The following TRHDE variants were observed in gnomAD, a reference collection of about 807,000 sequenced individuals.
TRHDE encodes thyrotropin-releasing hormone-degrading ectoenzyme.
Under a neutral mutation model 125.7 loss-of-function variants are expected in TRHDE, and 72 were observed. The observed-to-expected ratio is 0.57, with a 90% CI of 0.47 to 0.70. TRHDE has a LOEUF of 0.70. Among genes scored for constraint, TRHDE ranks in the 30% least tolerant of loss-of-function variants. The pLI is 0.00. For synonymous variants in TRHDE, 509 were observed against 509.1 expected, an observed-to-expected ratio of 1.00 and a Z score of 0.00; for missense variants, 1,110 against 1,327.1, an observed-to-expected ratio of 0.84 and a Z score of 2.54.
intron 12 of TRHDE, among the ~76,000 whole-genome samples, chr12:72,576,319 T>C (rs1870992403): frequency 6.6e-6 from 1 of 152,156 alleles, no homozygotes; most frequent in Admixed American, 6.6e-5. Context: ...TCTTCTAAGA[T>C]AATCAGGGGA....
At chr12:72,351,306 A>G (rs1243832297) in intron 2 of TRHDE, among the ~76,000 whole-genome samples, 1 of 151,968 alleles carries the variant, frequency 6.6e-6, no homozygotes, top group Non-Finnish European at 1.5e-5. Flanking sequence ...CCATGTTACG[A>G]AAGTTTATAT....
Position 72,162,533 on chromosome 12 carries a change from A to C in TRHDE, n.279+56781A>C, listed in dbSNP as rs965680439. On this transcript the variant is annotated intron_variant and non_coding_transcript_variant, in intron 2 of 4. Coordinates refer to the TRHDE transcript ENST00000548156. Reference sequence around the variant, plus strand: ...GCTTTTTCATTCACAGTAGTGGCAGAATGTTTCTGAGGGCTAGAAGTTGGT... The same window carrying C: ...GCTTTTTCATTCACAGTAGTGGCAGCATGTTTCTGAGGGCTAGAAGTTGGT... Among the ~76,000 whole-genome samples the C allele has an allele frequency of 1.0e-3, 154 of 152,132 alleles. 1 individual carries two copies. Among genetic ancestry groups the C allele is most frequent in the African/African-American group, 3.5e-3 (147 of 41,424 alleles).
chr12:72,217,808 T>A (rs1455994117), intron 2 of TRHDE, among the ~76,000 whole-genome samples: 1 of 152,078 alleles, frequency 6.6e-6, no homozygotes, highest in East Asian at 1.9e-4. Context: ...ACCACCCAAG[T>A]TTTTTACTAT....
In TRHDE at chr12:72,597,674, A is replaced by AAAAAAC. The variant is rs1487439243; in HGVS notation, c.2322-21212_2322-21211insCAAAAA. Among the ~76,000 whole-genome samples, 2 of 140,980 alleles carry AAAAAAC rather than the reference A, an allele frequency of 1.4e-5. 1 individual carries two copies. Among genetic ancestry groups the AAAAAAC allele is most frequent in the African/African-American group, 5.2e-5 (2 of 38,224 alleles). 92.5% of individuals were successfully genotyped at this position (140,980 alleles called of 152,430 possible). Reference sequence around the variant, plus strand: ...CAGAGCAAGACCTTGTCTAAAAAAAAAAAAAAACTAAGAGAGGTATATATA... The same window carrying AAAAAAC: ...CAGAGCAAGACCTTGTCTAAAAAAAAAAAAACAAAAAAACTAAGAGAGGTATATATA... On this transcript the variant is annotated intron_variant, in intron 12 of 18. Transcript: ENST00000261180.
intron 3 of TRHDE, among the ~76,000 whole-genome samples, chr12:72,382,349 G>A (rs906618196): frequency 6.6e-6 from 1 of 151,980 alleles, no homozygotes; most frequent in African/African-American, 2.4e-5. Flanking sequence ...GGGGGGGACA[G>A]TGACTAGAAG....
In TRHDE at chr12:72,499,648, A is replaced by G; in HGVS notation, c.1722+13A>G. 1 of 1,612,066 alleles carries G rather than the reference A, an allele frequency of 6.2e-7. No individual in the cohort carries two copies. Among genetic ancestry groups the G allele is most frequent in the Non-Finnish European group, 8.5e-7 (1 of 1,179,020 alleles). On this transcript the variant is annotated intron_variant, in intron 6 of 18. Transcript: ENST00000261180. The stretch of plus-strand genomic sequence containing the variant: ...CGCATATAAAAAGGTGGGAATAAAG[A>G]ACAAAGTGCCAATTAGATATTTCAT...
chr12:72,270,080 A>G (rs1428811906), upstream of TRHDE, among the ~76,000 whole-genome samples: 1 of 152,200 alleles, frequency 6.6e-6, no homozygotes, highest in Non-Finnish European at 1.5e-5. Context: ...TGAGGATCGC[A>G]GGGCTCCTCT....
intron 7 of TRHDE, among the ~76,000 whole-genome samples, chr12:72,547,860 G>C (rs1023390054): frequency 1.3e-5 from 2 of 151,808 alleles, no homozygotes; most frequent in African/African-American, 4.8e-5. Flanking sequence ...ACCAGAAACT[G>C]TCTCTTGCAC....
intron 2 of TRHDE, among the ~76,000 whole-genome samples, chr12:72,345,150 G>T (rs1269541250): frequency 6.6e-6 from 1 of 152,080 alleles, no homozygotes; most frequent in Non-Finnish European, 1.5e-5. Flanking sequence ...AATACTGGAG[G>T]AATGTTTTCT....
At chr12:72,186,113 T>C (rs981617102) in intron 2 of TRHDE, 3 of 152,408 alleles carry the variant, frequency 2.0e-5, no homozygotes, top group African/African-American at 7.2e-5. Context: ...CCTTCCACAT[T>C]GTGGAAGCTT....
intron 2 of TRHDE, among the ~76,000 whole-genome samples, chr12:72,319,663 C>G (rs1237027492): frequency 2.0e-5 from 3 of 152,098 alleles, no homozygotes; most frequent in African/African-American, 7.2e-5. Context: ...TATTTTGGCT[C>G]TTTGCAGGAT....
At chr12:72,238,350 TATATATATATATAC>T (rs1295550492) in intron 2 of TRHDE, among the ~76,000 whole-genome samples, 3 of 76,258 alleles carry the variant, frequency 3.9e-5, no homozygotes, top group Non-Finnish European at 8.7e-5. Context: ...TATATATATA[TATATATATATATAC>T]ACATACATAT....
intron 3 of TRHDE, among the ~76,000 whole-genome samples, chr12:72,430,739 C>T (rs2135841664): frequency 1.3e-5 from 2 of 151,798 alleles, no homozygotes; most frequent in Middle Eastern, 6.8e-3. Flanking sequence ...ACTTTGGATC[C>T]CTCAAATTAA....
chr12:72,283,710 A>G (rs1025035642), intron 1 of TRHDE, among the ~76,000 whole-genome samples: 1 of 152,136 alleles, frequency 6.6e-6, no homozygotes, highest in African/African-American at 2.4e-5. Context: ...AATTATCCTT[A>G]GCCCAGAGGT....
chr12:72,610,998 T>A (rs1872612829), intron 12 of TRHDE: 1 of 154,174 alleles, frequency 6.5e-6, no homozygotes, highest in Non-Finnish European at 1.5e-5. Context: ...GGAGGAAGGC[T>A]GTAAGGCAAA....
At chr12:72,213,530 G>A (rs1877826923) in intron 2 of TRHDE, among the ~76,000 whole-genome samples, 1 of 152,080 alleles carries the variant, frequency 6.6e-6, no homozygotes, top group African/African-American at 2.4e-5. Flanking sequence ...ACTTGCCCAA[G>A]GTGAAATTAA....
chr12:72,280,668 A>G (rs926245593), intron 1 of TRHDE, among the ~76,000 whole-genome samples: 1 of 152,200 alleles, frequency 6.6e-6, no homozygotes, highest in African/African-American at 2.4e-5. Flanking sequence ...TGAGGGAAAC[A>G]AGAGAAACAC....
At chr12:72,256,826 A>G (rs987187791) in intron 2 of TRHDE, 1 of 152,234 alleles carries the variant, frequency 6.6e-6, no homozygotes, top group Admixed American at 6.5e-5. Context: ...CCTGGGCTAG[A>G]AGAACAGACC....
At chr12:72,505,970 T>C (rs1034553961) in intron 6 of TRHDE, among the ~76,000 whole-genome samples, 4 of 152,090 alleles carry the variant, frequency 2.6e-5, no homozygotes, top group African/African-American at 9.7e-5. Flanking sequence ...ATGCCTTATT[T>C]CTGCAAGGGG....
Sources: allele counts gnomAD v4.1 joint callset (sites outside exome capture counted in the v4.1 genomes callset), GRCh38; gene constraint gnomAD v4.1.1; transcripts MANE v1.5; gene names NCBI Gene and HGNC (gene_info 2026-07-23, HGNC 2026-07-21).